The following PCDH15 variants were observed in gnomAD, a reference collection of about 807,000 sequenced individuals.
PCDH15 encodes protocadherin-15.
Under a neutral mutation model 178.5 loss-of-function variants are expected in PCDH15, and 129 were observed. The ratio of observed to expected loss-of-function variants is 0.72; its 90% CI spans 0.63 to 0.84. The LOEUF (loss-of-function observed/expected upper bound fraction) is 0.84, where lower values mean the gene tolerates loss of function less well. Ranked by LOEUF, PCDH15 falls within the 40% of genes least tolerant of loss-of-function variation. The pLI is 0.00. For synonymous variants in PCDH15, 800 were observed against 732.0 expected, an observed-to-expected ratio of 1.09 and a Z score of -1.50; for missense variants, 2,230 against 2,099.9, an observed-to-expected ratio of 1.06 and a Z score of -1.21.
intron 15 of PCDH15, among the ~76,000 whole-genome samples, chr10:54,102,435 G>A (rs184473077): frequency 5.9e-5 from 9 of 152,286 alleles, no homozygotes; most frequent in South Asian, 4.2e-4. Flanking sequence ...CATCTGGTAC[G>A]GAAGCTGCAA....
At chr10:54,898,436 AT>A (rs1359160020) in intron 2 of PCDH15, among the ~76,000 whole-genome samples, 2 of 152,162 alleles carry the variant, frequency 1.3e-5, no homozygotes, top group Non-Finnish European at 2.9e-5. Context: ...GAGACAAGAT[AT>A]CTAAGTTAAT....
chr10:54,478,956 C>G (rs2078489545), intron 3 of PCDH15, among the ~76,000 whole-genome samples: 1 of 149,912 alleles, frequency 6.7e-6, no homozygotes, highest in African/African-American at 2.5e-5. Flanking sequence ...GGAATCTAGC[C>G]TCACAAAATT....
intron 2 of PCDH15, among the ~76,000 whole-genome samples, chr10:55,486,963 G>A (rs1840310380): frequency 6.6e-6 from 1 of 151,486 alleles, no homozygotes; most frequent in African/African-American, 2.4e-5. Flanking sequence ...TCCACAAAAT[G>A]CCTGTACTTC....
chr10:54,470,278 G>C (rs1271872025), intron 3 of PCDH15, among the ~76,000 whole-genome samples: 1 of 152,154 alleles, frequency 6.6e-6, no homozygotes, highest in Admixed American at 6.5e-5. Flanking sequence ...TATAAACCGG[G>C]CAGCCTTTCT....
At chr10:54,936,137 A>G (rs1733771) in intron 2 of PCDH15, among the ~76,000 whole-genome samples, 20,377 of 152,120 alleles carry the variant, frequency 0.13, 1,555 homozygotes, top group East Asian at 0.23. Flanking sequence ...GTGGACTCAT[A>G]TAACATGGGG....
rs367777911 is a variant in PCDH15 at position 54,471,784 on chromosome 10, G to T, written c.157+56028C>A. ...ATCAAGTGTAACAATATTTCCCTAG[G>T]TCAGAAACTTTAAAATACTTAATTT... is the stretch of plus-strand genomic sequence containing the variant. On this transcript the variant is annotated intron_variant, in intron 3 of 37. Transcript: ENST00000644397. Among the ~76,000 whole-genome samples the T allele has an allele frequency of 2.0e-5, 3 of 151,538 alleles. No homozygotes were observed. In the East Asian group the frequency reaches 5.8e-4, roughly 29 times the overall value.
intron 18 of PCDH15, among the ~76,000 whole-genome samples, chr10:54,060,209 G>A (rs1481736940): frequency 1.3e-5 from 2 of 152,054 alleles, no homozygotes; most frequent in Admixed American, 6.6e-5. Flanking sequence ...AAGGATAAAC[G>A]CTGTTTATAA....
chr10:54,533,871 T>C (rs576460410), intron 2 of PCDH15, among the ~76,000 whole-genome samples: 3 of 152,294 alleles, frequency 2.0e-5, no homozygotes, highest in African/African-American at 7.2e-5. Flanking sequence ...GTTAAAGAAA[T>C]GGGTTTCTAA....
intron 2 of PCDH15, among the ~76,000 whole-genome samples, chr10:55,478,185 C>T (rs1201733512): frequency 6.6e-6 from 1 of 151,670 alleles, no homozygotes. Flanking sequence ...TGTTAATAGA[C>T]CAAATGGAGA....
chr10:55,251,799 T>C (rs1164901998), intron 1 of PCDH15, among the ~76,000 whole-genome samples: 1 of 152,150 alleles, frequency 6.6e-6, no homozygotes, highest in Non-Finnish European at 1.5e-5. Context: ...AAACAGTCAT[T>C]TATTTTCAAG....
chr10:54,176,169 T>C (rs1445043209), intron 13 of PCDH15, among the ~76,000 whole-genome samples: 1 of 152,130 alleles, frequency 6.6e-6, no homozygotes, highest in East Asian at 1.9e-4. Context: ...TTAAATTCTA[T>C]GGACATTAAC....
chr10:55,334,242 A>ATGTGTGTGTG (rs1208145029), intron 2 of PCDH15, among the ~76,000 whole-genome samples: 860 of 72,116 alleles, frequency 0.012, 31 homozygotes, highest in Non-Finnish European at 0.014. Context: ...ATATATATAT[A>ATGTGTGTGTG]TGTGTGTGTG....
intron 21 of PCDH15, among the ~76,000 whole-genome samples, chr10:53,987,514 G>A (rs938094828): frequency 6.8e-6 from 1 of 147,632 alleles, no homozygotes; most frequent in Admixed American, 6.7e-5. Context: ...TATAATTAAG[G>A]CACCATAAAT....
chr10:54,432,576 C>G (rs1455465464), intron 3 of PCDH15, among the ~76,000 whole-genome samples: 1 of 152,072 alleles, frequency 6.6e-6, no homozygotes, highest in African/African-American at 2.4e-5. Context: ...AGGAAAATCA[C>G]ATCAAAGTGG....
chr10:54,307,079 TAC>T (rs1554890887), intron 8 of PCDH15, among the ~76,000 whole-genome samples: 439 of 9,396 alleles, frequency 0.047, 25 homozygotes, highest in South Asian at 0.065. Context: ...TATATATATA[TAC>T]ATATATATAT....
chr10:55,406,201 G>C (rs1372814001), intron 2 of PCDH15, among the ~76,000 whole-genome samples: 3 of 152,026 alleles, frequency 2.0e-5, no homozygotes, highest in Non-Finnish European at 1.5e-5. Context: ...ATACGATCCT[G>C]TATGCATGAG....
intron 2 of PCDH15, among the ~76,000 whole-genome samples, chr10:55,034,801 A>G (rs1423639831): frequency 6.6e-6 from 1 of 152,180 alleles, no homozygotes; most frequent in African/African-American, 2.4e-5. Flanking sequence ...TTTTGGTGAA[A>G]TCTTATATTG....
chr10:55,579,677 A>T (rs1331742941), intron 2 of PCDH15, among the ~76,000 whole-genome samples: 5 of 152,174 alleles, frequency 3.3e-5, no homozygotes, highest in African/African-American at 1.2e-4. Flanking sequence ...TGTCAAAAAT[A>T]TTTATGATCA....
chr10:55,169,458 G>T lies in PCDH15; in HGVS notation c.-155-2807C>A, dbSNP rs536476778. Among the ~76,000 whole-genome samples the T allele has an allele frequency of 9.2e-5, 14 of 152,190 alleles. 1 individual carries two copies. Among genetic ancestry groups the T allele is most frequent in the African/African-American group, 3.4e-4 (14 of 41,544 alleles). On this transcript the variant is annotated intron_variant, in intron 1 of 5. Coordinates refer to the PCDH15 transcript ENST00000458638. ...TTTAACTACATTTCAACCCTTTAAA[G>T]GTGTCACTAAATGTGCAACAGCAGA... is the stretch of plus-strand genomic sequence containing the variant.
Sources: gnomAD v4.1 joint callset for allele counts (sites outside exome capture counted in the v4.1 genomes callset) on GRCh38, gnomAD v4.1.1 for gene constraint, MANE v1.5 for transcripts, NCBI Gene and HGNC (gene_info 2026-07-23, HGNC 2026-07-21) for gene names.